Variants in EXOC4 observed in about 807,000 individuals in gnomAD.
The protein encoded by EXOC4 is SEC8-like 1.
A neutral mutation model predicts 107.2 loss-of-function variants in EXOC4; 71 were observed. The observed-to-expected ratio is 0.66, with a 90% CI of 0.55 to 0.81. EXOC4 has a LOEUF of 0.81. Among genes scored for constraint, EXOC4 ranks in the 30% least tolerant of loss-of-function variants. EXOC4 has a pLI of 0.00. For synonymous variants in EXOC4, 456 were observed against 441.2 expected, an observed-to-expected ratio of 1.03 and a Z score of -0.42; for missense variants, 1,108 against 1,189.6, an observed-to-expected ratio of 0.93 and a Z score of 1.01.
At chr7:133,592,051 C>CA (rs1336014848) in intron 9 of EXOC4, among the ~76,000 whole-genome samples, 1 of 151,818 alleles carries the variant, frequency 6.6e-6, no homozygotes, top group Non-Finnish European at 1.5e-5. Flanking sequence ...TCTTTGCAGG[C>CA]ATTTCTTTTC....
intron 17 of EXOC4, among the ~76,000 whole-genome samples, chr7:134,017,724 A>G (rs1056328129): frequency 1.3e-5 from 2 of 152,346 alleles, no homozygotes; most frequent in African/African-American, 4.8e-5. Flanking sequence ...AGAGCACTTC[A>G]GAGCAATAAA....
At chr7:134,002,771 C>T (rs1457613928) in intron 15 of EXOC4, among the ~76,000 whole-genome samples, 1 of 152,136 alleles carries the variant, frequency 6.6e-6, no homozygotes, top group African/African-American at 2.4e-5. Flanking sequence ...TGAGATACTG[C>T]TCTACATCTA....
chr7:133,810,164 C>T (rs1367955003), intron 10 of EXOC4, among the ~76,000 whole-genome samples: 1 of 152,108 alleles, frequency 6.6e-6, no homozygotes, highest in Non-Finnish European at 1.5e-5. Flanking sequence ...ATAAATAAAA[C>T]ATCACTGCTG....
intron 15 of EXOC4, among the ~76,000 whole-genome samples, chr7:134,002,235 A>G (rs541097694): frequency 5.9e-5 from 9 of 152,338 alleles, no homozygotes; most frequent in Non-Finnish European, 8.8e-5. Context: ...ATGAGCATCT[A>G]TCAGTAAAAA....
intron 9 of EXOC4, among the ~76,000 whole-genome samples, chr7:133,577,973 C>T (rs1801169923): frequency 6.6e-6 from 1 of 152,110 alleles, no homozygotes; most frequent in African/African-American, 2.4e-5. Flanking sequence ...TTCATTATCA[C>T]AGACAAATCA....
intron 7 of EXOC4, among the ~76,000 whole-genome samples, chr7:133,393,647 G>A (rs1796904810): frequency 6.6e-6 from 1 of 152,142 alleles, no homozygotes; most frequent in African/African-American, 2.4e-5. Context: ...GCCCCAGAGA[G>A]CTCCCTCGAC....
chr7:134,087,703 A>T, the EXOC4 span, among the ~76,000 whole-genome samples: 1 of 152,164 alleles, frequency 6.6e-6, no homozygotes, highest in Non-Finnish European at 1.5e-5. Context: ...GTTCACAGGG[A>T]TAAGCAGGAT....
intron 14 of EXOC4, among the ~76,000 whole-genome samples, chr7:133,942,656 A>G (rs1227636531): frequency 6.6e-6 from 1 of 152,014 alleles, no homozygotes; most frequent in African/African-American, 2.4e-5. Context: ...TCCCAGTTTA[A>G]TTTTCTTTCT....
intron 10 of EXOC4, among the ~76,000 whole-genome samples, chr7:133,700,679 C>A (rs1794638610): frequency 6.6e-6 from 1 of 152,090 alleles, no homozygotes; most frequent in East Asian, 1.9e-4. Context: ...AATCCAAATT[C>A]ATTTACTTTA....
chr7:133,297,480 G>T (rs959997586), intron 3 of EXOC4, among the ~76,000 whole-genome samples: 2 of 152,152 alleles, frequency 1.3e-5, no homozygotes, highest in Admixed American at 6.6e-5. Context: ...GGATTTAAAA[G>T]CAAGAAGTTC....
intron 11 of EXOC4, among the ~76,000 whole-genome samples, chr7:133,820,591 G>C (rs974277308): frequency 6.6e-6 from 1 of 152,192 alleles, no homozygotes; most frequent in Non-Finnish European, 1.5e-5. Flanking sequence ...ATGTGTGTGC[G>C]TGAAAGATGC....
intron 11 of EXOC4, among the ~76,000 whole-genome samples, chr7:133,858,819 G>A (rs569266649): frequency 3.3e-4 from 51 of 152,246 alleles, no homozygotes; most frequent in Middle Eastern, 3.4e-3. Context: ...TCAAATCAAT[G>A]TTACAGTCTT....
chr7:133,296,613 TTATTTA>T (rs1304432501), intron 3 of EXOC4, among the ~76,000 whole-genome samples: 8 of 152,102 alleles, frequency 5.3e-5, no homozygotes, highest in Non-Finnish European at 8.8e-5. Flanking sequence ...AAGGCCCTTT[TTATTTA>T]TATTTGTTTT....
At chr7:133,691,342 G>A (rs1794414328) in intron 10 of EXOC4, among the ~76,000 whole-genome samples, 1 of 151,998 alleles carries the variant, frequency 6.6e-6, no homozygotes. Context: ...TTGATTCCTT[G>A]GGTCTATCAT....
intron 17 of EXOC4, among the ~76,000 whole-genome samples, chr7:134,029,655 G>A (rs1365447297): frequency 1.3e-5 from 2 of 152,120 alleles, no homozygotes; most frequent in Non-Finnish European, 2.9e-5. Context: ...GAGTACCTGG[G>A]ACCACAGGCA....
Position 133,554,327 on chromosome 7 carries a change from C to G in EXOC4, c.1417+74189C>G, listed in dbSNP as rs1584994774. ...AAAAATAATGTAAATGTCAACAGAA[C>G]AGCCATCTATGTTTAAATTCTAAGT... On this transcript the variant is annotated intron_variant, in intron 9 of 17. Transcript: ENST00000253861. 2.0e-5 allele frequency among the ~76,000 whole-genome samples: 3 copies of G among 152,198 alleles called. No homozygotes were observed. In the East Asian group the frequency reaches 5.8e-4, roughly 29 times the overall value.
chr7:133,911,695 G>A lies in EXOC4; in HGVS notation c.1872-5888G>A, dbSNP rs372514077. Among the ~76,000 whole-genome samples, 23 of 152,180 alleles carry A rather than the reference G, an allele frequency of 1.5e-4. No individual in the cohort carries two copies. In the East Asian group the frequency reaches 4.4e-3, roughly 29 times the overall value. On this transcript the variant is annotated intron_variant, in intron 12 of 17. Coordinates refer to ENST00000253861, the MANE Select transcript of EXOC4 (RefSeq NM_021807.4). ...GCTAATGCTAAAATGGAAAATTCTAGCCCTTCAAAATGTACGGTACCATCT... is the reference window on the plus strand; with the variant it reads ...GCTAATGCTAAAATGGAAAATTCTAACCCTTCAAAATGTACGGTACCATCT...
At position 133,876,494 on chromosome 7, in the gene EXOC4, G is replaced by A. The variant is rs537691532; in HGVS notation, c.1735-19105G>A. Among the ~76,000 whole-genome samples the A allele has an allele frequency of 2.6e-5, 4 of 152,010 alleles. No homozygotes were observed. In the South Asian group the frequency reaches 6.2e-4, roughly 24 times the overall value. On this transcript the variant is annotated intron_variant, in intron 11 of 17. Transcript: ENST00000253861. ...TTAGCTTTTATCACGCTTACTCATC[G>A]TCTTCTTCTTCTTCCTTCATTTTTC...
chr7:133,603,027 TC>T (rs758744137), intron 9 of EXOC4, among the ~76,000 whole-genome samples: 4 of 152,208 alleles, frequency 2.6e-5, no homozygotes, highest in Non-Finnish European at 5.9e-5. Context: ...TATGCTCTTT[TC>T]CACATTGAAA....
Sources: allele counts gnomAD v4.1 joint callset (sites outside exome capture counted in the v4.1 genomes callset), GRCh38; gene constraint gnomAD v4.1.1; transcripts MANE v1.5; gene names NCBI Gene and HGNC (gene_info 2026-07-23, HGNC 2026-07-21).